TAOK2: variants seen among roughly 807,000 people sequenced by gnomAD.
The protein encoded by TAOK2 is serine/threonine-protein kinase TAO2.
Under a neutral mutation model 122.5 loss-of-function variants are expected in TAOK2, and 42 were observed. That is an observed-to-expected ratio of 0.34 (90% CI 0.27 to 0.44). TAOK2 has a LOEUF of 0.44. Among genes scored for constraint, TAOK2 ranks in the 20% least tolerant of loss-of-function variants. The pLI is 1.00. For synonymous variants in TAOK2, 704 were observed against 677.6 expected, an observed-to-expected ratio of 1.04 and a Z score of -0.61; for missense variants, 1,264 against 1,644.9, an observed-to-expected ratio of 0.77 and a Z score of 4.01.
Position 29,986,268 on chromosome 16 carries a change from C to T in TAOK2, c.1996C>T (p.Leu666=), listed in dbSNP as rs941081301. Residue 666 remains leucine, a synonymous_variant, in exon 16 of 16, where the codon CTG becomes TTG. Coordinates refer to ENST00000308893, the MANE Select transcript of TAOK2 (RefSeq NM_016151.4). This position sits in a 1 kb window ranked among gnomAD's most constrained non-coding sequence, Gnocchi z 4.2. ...SLDQDLLRED[L]NKKQTQKDLE... Reference sequence around the variant, plus strand: ...CCCTGCATTTCTTCTGCCTCAGGACCTGAACAAGAAGCAGACCCAGAAGGA... The same window carrying T: ...CCCTGCATTTCTTCTGCCTCAGGACTTGAACAAGAAGCAGACCCAGAAGGA... 1 of 1,514,302 alleles carries T rather than the reference C, an allele frequency of 6.6e-7. No individual in the cohort carries two copies. The highest frequency in any genetic ancestry group is 8.8e-7 in the Non-Finnish European group (1 of 1,131,362). 93.8% of individuals were successfully genotyped at this position (1,514,302 alleles called of 1,614,324 possible).
At chr16:29,990,903 C>A (rs556505531), downstream of TAOK2, 2 of 1,613,616 alleles carry the variant, frequency 1.2e-6, no homozygotes, top group Non-Finnish European at 1.7e-6. Context: ...AGAGCCAGCA[C>A]GAGAGGGAGC....
Position 29,986,576 on chromosome 16 carries a change from C to G in TAOK2, c.2304C>G (p.Gly768=). 6.2e-7 allele frequency: 1 copy of G among 1,613,906 alleles called. No homozygotes were observed. Among genetic ancestry groups the G allele is most frequent in the Non-Finnish European group, 8.5e-7 (1 of 1,179,922 alleles). Residue 768 remains glycine (G), a synonymous_variant, in exon 16 of 16, where the codon GGC becomes GGG. Transcript: ENST00000308893. The surrounding 1 kb of genome is among the most constrained non-coding windows in gnomAD (Gnocchi z 4.2). ...GGGCTCTGGGCCCACCCAACACAGG[C>G]ACCCCTATAGAACAGCAGCCCTGCT... The part of the protein sequence containing the change: ...IPGALGPPNT[G]TPIEQQPCSP...
chr16:29,989,538 TTCCTCCTCC>T (rs1336288297), downstream of TAOK2: 4 of 1,604,462 alleles, frequency 2.5e-6, no homozygotes, highest in African/African-American at 1.3e-5. Context: ...CTTCCTCCTC[TTCCTCCTCC>T]TCTTCCCCGC....
rs767155571 is a variant in TAOK2 at position 29,987,259 on chromosome 16, T to C, written c.2987T>C (p.Leu996Pro). 4 of 1,529,882 alleles carry C rather than the reference T, an allele frequency of 2.6e-6. No individual in the cohort carries two copies. The highest frequency in any genetic ancestry group is 8.7e-7 in the Non-Finnish European group (1 of 1,143,638). The allele number at this position is 1,529,882 out of a possible 1,614,324, so 94.8% of individuals were successfully genotyped here. A position where few individuals can be genotyped will look rare whatever the true frequency, so the allele number is the denominator to read the frequency against. Residue 996 changes from leucine (L) to proline (P), a missense_variant, in exon 16 of 16, where the codon CTG becomes CCG. Around this residue, in one of 4 missense-constraint regions of TAOK2, gnomAD observed 824 missense variants for 908.7 expected, o/e 0.91. Coordinates refer to ENST00000308893, the MANE Select transcript of TAOK2 (RefSeq NM_016151.4). Reference sequence around the variant, plus strand: ...GCGCTGCTGGCCCTTGAGGTGGGGCTGGTGGGTCTGGGGGCCTCCTACCTG... The same window carrying C: ...GCGCTGCTGGCCCTTGAGGTGGGGCCGGTGGGTCTGGGGGCCTCCTACCTG... ...QAALLALEVG[L>P]VGLGASYLLL...
At chr16:29,988,692 C>T (rs941594447), downstream of TAOK2, 16 of 985,332 alleles carry the variant, frequency 1.6e-5, no homozygotes, top group Non-Finnish European at 1.8e-5. Flanking sequence ...GTCTCCTCAT[C>T]CCTTGCCTTT....
intron 8 of TAOK2, chr16:29,981,231 T>A (rs11865096): frequency 2.7e-6 from 1 of 368,542 alleles, no homozygotes; most frequent in Admixed American, 4.3e-5. Context: ...TTCCCTCTTA[T>A]ACCAGTTAAT....
At chr16:29,989,529 TTCCTCCTCTTCC>T (rs750093183), downstream of TAOK2, 533 of 1,602,392 alleles carry the variant, frequency 3.3e-4, no homozygotes, top group Middle Eastern at 1.2e-3. Context: ...CCTCTTCCTC[TTCCTCCTCTTCC>T]TCCTCCTCTT....
At position 29,987,022 on chromosome 16, in the gene TAOK2, C is replaced by T. The variant is rs2150904555; in HGVS notation, c.2750C>T (p.Pro917Leu). 1 of 1,612,484 alleles carries T rather than the reference C, an allele frequency of 6.2e-7. No homozygotes were observed. The highest frequency in any genetic ancestry group is 1.7e-5 in the Admixed American group (1 of 59,874). The change falls in exon 16 of 16, where the codon CCT becomes CTT. Residue 917 changes from proline (P) to leucine (L), a missense_variant. By Grantham distance (98) the Pro-to-Leu change is moderately conservative. Coordinates refer to ENST00000308893, the MANE Select transcript of TAOK2 (RefSeq NM_016151.4). Reference protein sequence around the residue: ...EGAPIGTPRDPGDGCPSPDIP... With the variant: ...EGAPIGTPRDLGDGCPSPDIP... ...GCTCCGATTGGGACCCCTAGGGATC[C>T]TGGAGATGGTTGTCCTTCCCCCGAC... is the stretch of plus-strand genomic sequence containing the variant.
chr16:29,979,456 G>T lies in TAOK2; in HGVS notation c.603G>T (p.Gln201His). Residue 201 changes from glutamine (Q) to histidine (H), a missense_variant, in exon 8 of 16, where the codon CAG (glutamine) becomes CAT (histidine). Transcript: ENST00000308893. The surrounding 1 kb of genome is among the most constrained non-coding windows in gnomAD (Gnocchi z 4.1). ...PEVILAMDEG[Q>H]YDGKVDVWSL... is the part of the protein sequence containing the mutation. ...TGATCCTGGCCATGGATGAGGGGCA[G>T]TACGATGGCAAAGTGGACGTCTGGT... is the stretch of plus-strand genomic sequence containing the variant. The T allele has an allele frequency of 6.3e-7, 1 of 1,577,670 alleles. No homozygotes were observed. Among genetic ancestry groups the T allele is most frequent in the Non-Finnish European group, 8.6e-7 (1 of 1,159,850 alleles).
downstream of TAOK2, chr16:29,989,831 G>A (rs781167161): frequency 1.6e-5 from 25 of 1,608,510 alleles, no homozygotes; most frequent in South Asian, 2.5e-4. Context: ...CAGGGAGGGA[G>A]TGCGCTAGAG....
At chr16:29,976,742 T>G (rs944261682) in intron 1 of TAOK2, among the ~76,000 whole-genome samples, 1 of 152,178 alleles carries the variant, frequency 6.6e-6, no homozygotes, top group Non-Finnish European at 1.5e-5. Flanking sequence ...GAGAGAGTAA[T>G]GGATACAGGC....
rs1278523899 is a variant in TAOK2 at position 29,974,630 on chromosome 16, C to T, written c.-54C>T. ...AGGCGGAAGCGGAGGCGCTGGGGCA[C>T]CATAGTGACCCCTACCAGGTGAGAC... On this transcript the variant is annotated 5_prime_UTR_variant, in exon 1 of 16. Coordinates refer to ENST00000308893, the MANE Select transcript of TAOK2 (RefSeq NM_016151.4). 1 of 152,608 alleles carries T rather than the reference C, an allele frequency of 6.6e-6. No homozygotes were observed. Among genetic ancestry groups the T allele is most frequent in the Non-Finnish European group, 1.5e-5 (1 of 68,056 alleles). The allele number at this position is 152,608 out of a possible 1,614,324, so 9.5% of individuals were successfully genotyped here. A position where few individuals can be genotyped will look rare whatever the true frequency, so the allele number is the denominator to read the frequency against.
rs976323557 is a variant in TAOK2, at chr16:29,973,900, G to GGAGACCGGGAC, written c.-774_-764dup. ...TTGGAATTGGGAGGAAGAGGGAGAG[G>GGAGACCGGGAC]GAGACCGGGACGAGACCGGGGCTGT... On this transcript the variant is annotated 5_prime_UTR_variant, in exon 1 of 16. Coordinates refer to ENST00000308893, the MANE Select transcript of TAOK2 (RefSeq NM_016151.4). 1.3e-5 allele frequency: 2 copies of GGAGACCGGGAC among 152,542 alleles called. No individual in the cohort carries two copies. The highest frequency in any genetic ancestry group is 2.4e-5 in the African/African-American group (1 of 41,472). The allele number at this position is 152,542 out of a possible 1,614,324, so 9.4% of individuals were successfully genotyped here. A position where few individuals can be genotyped will look rare whatever the true frequency, so the allele number is the denominator to read the frequency against.
Position 29,986,441 on chromosome 16 carries a change from G to A in TAOK2, c.2169G>A (p.Arg723=), listed in dbSNP as rs1230641621. 6.2e-7 allele frequency: 1 copy of A among 1,608,370 alleles called. No homozygotes were observed. The highest frequency in any genetic ancestry group is 8.5e-7 in the Non-Finnish European group (1 of 1,177,436). ...ELGNQLEYNK[R]REQELRQKHA... is the part of the protein sequence containing the mutation. ...GCAACCAGCTGGAGTACAACAAGCG[G>A]CGTGAGCAAGAGTTGCGGCAGAAGC... Residue 723 remains arginine, a synonymous_variant, in exon 16 of 16, where the codon CGG becomes CGA. Transcript: ENST00000308893. This position sits in a 1 kb window ranked among gnomAD's most constrained non-coding sequence, Gnocchi z 4.2.
intron 8 of TAOK2, chr16:29,981,355 C>T (rs2069608451): frequency 1.7e-6 from 1 of 572,938 alleles, no homozygotes; most frequent in South Asian, 2.3e-5. Context: ...TTATCTGCTC[C>T]CTTTGGCACC....
At position 29,985,514 on chromosome 16, in the gene TAOK2, A is replaced by G; in HGVS notation, c.1724A>G (p.Glu575Gly). The G allele has an allele frequency of 1.2e-6, 2 of 1,611,164 alleles. No individual in the cohort carries two copies. Among genetic ancestry groups the G allele is most frequent in the Non-Finnish European group, 1.7e-6 (2 of 1,178,552 alleles). The part of the protein sequence containing the change: ...QQHILGQQKK[E>G]LAALLEAQKR... ...CACATCCTTGGGCAGCAGAAGAAGG[A>G]GCTGGCTGCCCTGCTGGAGGCACAG... The change falls in exon 14 of 16, where the codon GAG becomes GGG. Residue 575 changes from glutamate (E) to glycine (G), a missense_variant. Physicochemically the swap from Glu to Gly is moderately conservative, Grantham distance 98. Transcript: ENST00000308893. The surrounding 1 kb of genome is among the most constrained non-coding windows in gnomAD (Gnocchi z 6.9).
rs1473460766 is a variant in TAOK2 at position 29,979,277 on chromosome 16, C to T, written c.532C>T (p.Pro178Ser). The change falls in exon 7 of 16, where the codon CCT (proline) becomes TCT (serine). Residue 178 changes from proline to serine, a missense_variant. Pro to Ser is a moderately conservative substitution (Grantham distance 74). Around this residue, in one of 4 missense-constraint regions of TAOK2, gnomAD observed 254 missense variants for 503.8 expected, o/e 0.50. Coordinates refer to ENST00000308893, the MANE Select transcript of TAOK2 (RefSeq NM_016151.4). This position sits in a 1 kb window ranked among gnomAD's most constrained non-coding sequence, Gnocchi z 4.1. ...GDFGSASIMAPANSFVGTPYW... is the reference protein window; with the variant it reads ...GDFGSASIMASANSFVGTPYW... ...CTTTGGTTCTGCGTCCATCATGGCACCTGCCAACTCCTTCGTGGGCACCCC... is the reference window on the plus strand; with the variant it reads ...CTTTGGTTCTGCGTCCATCATGGCATCTGCCAACTCCTTCGTGGGCACCCC... 6.2e-7 allele frequency: 1 copy of T among 1,614,160 alleles called. No individual in the cohort carries two copies. The highest frequency in any genetic ancestry group is 2.2e-5 in the East Asian group (1 of 44,870).
downstream of TAOK2, chr16:29,989,264 T>A (rs1320760151): frequency 2.0e-6 from 2 of 985,240 alleles, no homozygotes; most frequent in Non-Finnish European, 2.4e-6. Flanking sequence ...GTAACTCCGA[T>A]GTTCTTTCTC....
At chr16:29,978,733 C>A in intron 4 of TAOK2, 66 bp from the exon 5 acceptor site, 2 of 1,590,398 alleles carry the variant, frequency 1.3e-6, no homozygotes, top group South Asian at 2.2e-5. Flanking sequence ...ACAGGACAGT[C>A]AAGGAAGCTC....
Sources: gnomAD v4.1 joint callset for allele counts (sites outside exome capture counted in the v4.1 genomes callset) on GRCh38, gnomAD v4.1.1 for gene constraint, gnomAD v4.1.1 regional missense constraint, Gnocchi (gnomAD v3.1) non-coding constraint, MANE v1.5 for transcripts, NCBI Gene and HGNC (gene_info 2026-07-23, HGNC 2026-07-21) for gene names.